Variants in MAPKAPK2 observed in about 807,000 individuals in gnomAD.
The protein encoded by MAPKAPK2 is MAP kinase-activated protein kinase 2.
In MAPKAPK2, 9 loss-of-function variants were observed where a neutral mutation model predicts 48.8. That is an observed-to-expected ratio of 0.18 (90% CI 0.11 to 0.32). The LOEUF (loss-of-function observed/expected upper bound fraction) is 0.32, where lower values mean the gene tolerates loss of function less well. Among genes scored for constraint, MAPKAPK2 ranks in the 10% least tolerant of loss-of-function variants. The pLI is 1.00. For missense variants in MAPKAPK2, 331 were observed against 498.3 expected (o/e 0.66, Z 3.20); for synonymous variants, 202 against 190.6 (o/e 1.06, Z -0.49).
chr1:206,692,993 C>G (rs1379210242), intron 1 of MAPKAPK2, among the ~76,000 whole-genome samples: 1 of 152,214 alleles, frequency 6.6e-6, no homozygotes, highest in African/African-American at 2.4e-5. Context: ...AAGGTGAAGT[C>G]TCTCTGAGGG....
Position 206,728,713 on chromosome 1 carries a change from C to A in MAPKAPK2, c.283C>A (p.Leu95Ile). The A allele has an allele frequency of 6.2e-7, 1 of 1,613,730 alleles. No individual in the cohort carries two copies. Among genetic ancestry groups the A allele is most frequent in the Non-Finnish European group, 8.5e-7 (1 of 1,179,914 alleles). ...CAGAAAGCTGTTTGGCCTGCAGATG[C>A]TTCAGGACTGCCCCAAGGCCCGCAG... is the stretch of plus-strand genomic sequence containing the variant. The part of the protein sequence containing the change: ...RTQEKFALKM[L>I]QDCPKARREV... The change falls in exon 2 of 10, where the codon CTT becomes ATT. Residue 95 changes from leucine (L) to isoleucine (I), a missense_variant. Around this residue, in one of 4 missense-constraint regions of MAPKAPK2, gnomAD observed 111 missense variants for 193.6 expected, o/e 0.57. Coordinates refer to ENST00000367103, the MANE Select transcript of MAPKAPK2 (RefSeq NM_032960.4).
At chr1:206,697,817 A>G (rs1272990632) in intron 1 of MAPKAPK2, among the ~76,000 whole-genome samples, 1 of 152,242 alleles carries the variant, frequency 6.6e-6, no homozygotes, top group Non-Finnish European at 1.5e-5. Flanking sequence ...ACAGATTTAC[A>G]CAAGAAAGAG....
In MAPKAPK2 at chr1:206,732,765, C is replaced by T. The variant is rs57614552; in HGVS notation, c.*47C>T. 11,252 of 1,604,194 alleles carry T rather than the reference C, an allele frequency of 7.0e-3. 665 individuals are homozygous for T. In the African/African-American group the frequency reaches 0.13, roughly 18 times the overall value. On this transcript the variant is annotated 3_prime_UTR_variant, in exon 10 of 10. Coordinates refer to ENST00000367103, the MANE Select transcript of MAPKAPK2 (RefSeq NM_032960.4). The surrounding 1 kb of genome is among the most constrained non-coding windows in gnomAD (Gnocchi z 4.4). Reference sequence around the variant, plus strand: ...CGGGAGGACAAGCAATAACTCTCTACAGGAATATATTTTTTAAACGAAGAG... The same window carrying T: ...CGGGAGGACAAGCAATAACTCTCTATAGGAATATATTTTTTAAACGAAGAG...
chr1:206,701,528 T>C (rs1405886080), intron 1 of MAPKAPK2, among the ~76,000 whole-genome samples: 1 of 151,894 alleles, frequency 6.6e-6, no homozygotes, highest in Non-Finnish European at 1.5e-5. Flanking sequence ...TAGAAAAGGA[T>C]CTTAAAAAGT....
chr1:206,728,617 G>A, intron 1 of MAPKAPK2, 93 bp from the exon 2 acceptor site: 1 of 1,465,196 alleles, frequency 6.8e-7, no homozygotes, highest in Non-Finnish European at 9.3e-7. Flanking sequence ...GGGGTTTGTG[G>A]TATGTCGGTG....
At position 206,716,321 on chromosome 1, in the gene MAPKAPK2, G is replaced by T. The variant is rs562853251; in HGVS notation, c.280-12389G>T. On this transcript the variant is annotated intron_variant, in intron 1 of 9. Transcript: ENST00000367103. ...GTGGCTTGAACTCACTCTTGTGTCTGGGCCATTTCTCTCACTGTGTAGGAA... is the reference window on the plus strand; with the variant it reads ...GTGGCTTGAACTCACTCTTGTGTCTTGGCCATTTCTCTCACTGTGTAGGAA... Among the ~76,000 whole-genome samples the T allele has an allele frequency of 1.1e-4, 17 of 152,262 alleles. No individual in the cohort carries two copies. In the South Asian group the frequency reaches 3.5e-3, roughly 32 times the overall value.
intron 1 of MAPKAPK2, among the ~76,000 whole-genome samples, chr1:206,690,260 G>T (rs181916963): frequency 6.6e-6 from 1 of 152,326 alleles, no homozygotes; most frequent in East Asian, 1.9e-4. Flanking sequence ...CCTCCTGGCC[G>T]TAGCCCTGAC....
chr1:206,712,716 A>G (rs1023751691), intron 1 of MAPKAPK2, among the ~76,000 whole-genome samples: 3 of 152,070 alleles, frequency 2.0e-5, no homozygotes, highest in African/African-American at 7.2e-5. Flanking sequence ...CTGTAATCCC[A>G]GTATTTTGGG....
intron 1 of MAPKAPK2, among the ~76,000 whole-genome samples, chr1:206,692,456 C>A (rs928348603): frequency 6.6e-6 from 1 of 152,208 alleles, no homozygotes; most frequent in East Asian, 1.9e-4. Flanking sequence ...CCTGCCCATG[C>A]AAGGCTAGAG....
chr1:206,725,910 T>G (rs1160340420), intron 1 of MAPKAPK2, among the ~76,000 whole-genome samples: 2 of 152,216 alleles, frequency 1.3e-5, no homozygotes, highest in African/African-American at 4.8e-5. Flanking sequence ...CCCACTAGCC[T>G]AGGCTTTTCC....
In MAPKAPK2 at chr1:206,731,328, A is replaced by G; in HGVS notation, c.892+66A>G. ...TGTGTGTGTGTGTGTGTATGTGTGT[A>G]CACGCAGACACATGTATGGGCCTCC... On this transcript the variant is annotated intron_variant, in intron 7 of 9. Coordinates refer to ENST00000367103, the MANE Select transcript of MAPKAPK2 (RefSeq NM_032960.4). This position sits in a 1 kb window ranked among gnomAD's most constrained non-coding sequence, Gnocchi z 5.9. The G allele has an allele frequency of 4.4e-6, 7 of 1,595,548 alleles. No homozygotes were observed. Among genetic ancestry groups the G allele is most frequent in the Non-Finnish European group, 6.0e-6 (7 of 1,169,824 alleles).
intron 1 of MAPKAPK2, chr1:206,696,380 T>A: frequency 1.5e-6 from 1 of 652,820 alleles, no homozygotes; most frequent in Non-Finnish European, 2.8e-6. Context: ...TTGTGTCCTC[T>A]TATTTTCATG....
chr1:206,688,858 T>C (rs1436343262), intron 1 of MAPKAPK2, among the ~76,000 whole-genome samples: 1 of 152,064 alleles, frequency 6.6e-6, no homozygotes, highest in East Asian at 1.9e-4. Flanking sequence ...ATGGTCTTGA[T>C]CTCCTGACCT....
At position 206,728,698 on chromosome 1, in the gene MAPKAPK2, T is replaced by A. The variant is rs1673790066; in HGVS notation, c.280-12T>A. 4 of 1,612,036 alleles carry A rather than the reference T, an allele frequency of 2.5e-6. No homozygotes were observed. In the African/African-American group the frequency reaches 5.3e-5, roughly 22 times the overall value. ...GACAGCGCAGTTACTCAGAAAGCTG[T>A]TTGGCCTGCAGATGCTTCAGGACTG... On this transcript the variant is annotated splice_polypyrimidine_tract_variant and intron_variant, in intron 1 of 9. Transcript: ENST00000367103.
At chr1:206,689,565 C>A (rs551955692) in intron 1 of MAPKAPK2, among the ~76,000 whole-genome samples, 1 of 152,226 alleles carries the variant, frequency 6.6e-6, no homozygotes, top group East Asian at 1.9e-4. Context: ...TAACAGTTTG[C>A]TGAATATCTA....
At chr1:206,686,622 T>C (rs1156780966) in intron 1 of MAPKAPK2, among the ~76,000 whole-genome samples, 1 of 152,222 alleles carries the variant, frequency 6.6e-6, no homozygotes, top group African/African-American at 2.4e-5. Flanking sequence ...TCCTGTGTTA[T>C]ATTTTTCTCT....
intron 1 of MAPKAPK2, among the ~76,000 whole-genome samples, chr1:206,702,352 T>C (rs4240845): frequency 0.76 from 115,310 of 152,096 alleles, 43,945 homozygotes; most frequent in Middle Eastern, 0.92. Flanking sequence ...AGTCATGGCA[T>C]GCGTCAGAGT....
At chr1:206,685,980 C>T (rs938507908) in intron 1 of MAPKAPK2, among the ~76,000 whole-genome samples, 9 of 152,168 alleles carry the variant, frequency 5.9e-5, no homozygotes, top group Admixed American at 5.2e-4. Flanking sequence ...GTTTATTTAG[C>T]CTCGCTCCTT....
chr1:206,731,166 A>C lies in MAPKAPK2; in HGVS notation c.796A>C (p.Asn266His), dbSNP rs782375243. The C allele has an allele frequency of 6.2e-7, 1 of 1,614,094 alleles. No homozygotes were observed. Among genetic ancestry groups the C allele is most frequent in the East Asian group, 2.2e-5 (1 of 44,874 alleles). Reference protein sequence around the residue: ...LLCGYPPFYSNHGLAISPGMK... With the variant: ...LLCGYPPFYSHHGLAISPGMK... Reference sequence around the variant, plus strand: ...GTGTGGGTATCCCCCCTTCTACTCCAACCACGGCCTTGCCATCTCTCCGGG... The same window carrying C: ...GTGTGGGTATCCCCCCTTCTACTCCCACCACGGCCTTGCCATCTCTCCGGG... Residue 266 changes from asparagine to histidine, a missense_variant, in exon 7 of 10, where the codon AAC becomes CAC. Asn to His is a moderately conservative substitution (Grantham distance 68, BLOSUM62 1). Transcript: ENST00000367103. The surrounding 1 kb of genome is among the most constrained non-coding windows in gnomAD (Gnocchi z 5.9).
Sources: allele counts gnomAD v4.1 joint callset (sites outside exome capture counted in the v4.1 genomes callset), GRCh38; gene constraint gnomAD v4.1.1; regional missense constraint gnomAD v4.1.1; non-coding constraint Gnocchi (gnomAD v3.1); transcripts MANE v1.5; gene names NCBI Gene and HGNC (gene_info 2026-07-23, HGNC 2026-07-21).